The following SNX8 variants were observed in gnomAD, a reference collection of about 807,000 sequenced individuals.
SNX8 encodes sorting nexin-8.
A neutral mutation model predicts 51.6 loss-of-function variants in SNX8; 25 were observed. The observed-to-expected ratio is 0.48, with a 90% CI of 0.35 to 0.68. The LOEUF is 0.68. SNX8 is among the 30% of genes least tolerant of loss of function. The probability of loss-of-function intolerance (pLI) is 0.00; values close to 1 mark genes in which losing one functional copy is unlikely to be tolerated. For synonymous variants in SNX8, 324 were observed against 277.0 expected (o/e 1.17, Z -1.68); for missense variants, 695 against 624.0 (o/e 1.11, Z -1.21).
chr7:2,323,541 C>T (rs540611068), intron 1 of SNX8, among the ~76,000 whole-genome samples: 3 of 152,134 alleles, frequency 2.0e-5, no homozygotes, highest in East Asian at 3.9e-4. Flanking sequence ...GATCACAGAG[C>T]GGCCACCATC....
At chr7:2,258,925 C>T (rs1211337380) in intron 7 of SNX8, among the ~76,000 whole-genome samples, 2 of 152,146 alleles carry the variant, frequency 1.3e-5, no homozygotes, top group Non-Finnish European at 2.9e-5. Context: ...CCCAGAGTCA[C>T]CACAGCACCT....
chr7:2,295,488 T>G (rs1445095555), intron 1 of SNX8, among the ~76,000 whole-genome samples: 1 of 148,248 alleles, frequency 6.7e-6, no homozygotes, highest in Non-Finnish European at 1.5e-5. Context: ...GTGGATCACC[T>G]GAGAACAGGA....
intron 1 of SNX8, among the ~76,000 whole-genome samples, chr7:2,312,699 T>A (rs915562719): frequency 5.9e-5 from 9 of 152,018 alleles, no homozygotes; most frequent in Non-Finnish European, 1.3e-4. Flanking sequence ...ACTTCAGTCA[T>A]CACCTCCTCA....
At chr7:2,271,780 G>A in intron 4 of SNX8, 70 bp downstream of exon 4, 2 of 1,529,480 alleles carry the variant, frequency 1.3e-6, no homozygotes, top group Non-Finnish European at 1.8e-6. Context: ...ACACCTGAGA[G>A]AGGAAAAGGC....
chr7:2,267,609 CA>C (rs1450312471), intron 5 of SNX8, among the ~76,000 whole-genome samples: 1 of 146,282 alleles, frequency 6.8e-6, no homozygotes, highest in Non-Finnish European at 1.5e-5. Context: ...CTCGTTCACT[CA>C]GTGCTCAATG....
At chr7:2,342,756 A>T (rs1434958202) in intron 1 of SNX8, among the ~76,000 whole-genome samples, 1 of 152,164 alleles carries the variant, frequency 6.6e-6, no homozygotes, top group Non-Finnish European at 1.5e-5. Context: ...ACACAGGGTG[A>T]CAAACTATAG....
chr7:2,292,933 G>C (rs548314440), intron 1 of SNX8, among the ~76,000 whole-genome samples: 2 of 152,132 alleles, frequency 1.3e-5, no homozygotes, highest in African/African-American at 4.8e-5. Flanking sequence ...CAAGGTGGCA[G>C]AATGACTTGA....
chr7:2,275,234 A>ATACTCCACATGCTTC lies in SNX8; in HGVS notation c.301-6_301-5insGAAGCATGTGGAGTA. On this transcript the variant is annotated splice_polypyrimidine_tract_variant and splice_region_variant and intron_variant, in intron 2 of 10. Coordinates refer to ENST00000222990, the MANE Select transcript of SNX8 (RefSeq NM_013321.4). ...GTATACCGAGGACTTGAAGCGCTGC[A>ATACTCCACATGCTTC]AGAGAAGGGTCGGTGCTTAGATCCG... 3 of 1,596,850 alleles carry ATACTCCACATGCTTC rather than the reference A, an allele frequency of 1.9e-6. No homozygotes were observed. In the East Asian group the frequency reaches 6.7e-5, roughly 36 times the overall value.
At position 2,286,523 on chromosome 7, in the gene SNX8, T is replaced by TATA. The variant is rs1433526456; in HGVS notation, c.95-8219_95-8218insTAT. 1.0e-3 allele frequency among the ~76,000 whole-genome samples: 103 copies of TATA among 101,810 alleles called. 2 individuals are homozygous for TATA. In the South Asian group the frequency reaches 0.025, roughly 25 times the overall value. The allele number at this position is 101,810 out of a possible 152,430, so 66.8% of individuals were successfully genotyped here. A position where few individuals can be genotyped will look rare whatever the true frequency, so the allele number is the denominator to read the frequency against. On this transcript the variant is annotated intron_variant, in intron 1 of 10. Transcript: ENST00000222990. ...ATGTGCCATACGGGCTATTTTATAA[T>TATA]TTTTTTTTTTTTTTAATGGAGTCTT...
intron 1 of SNX8, among the ~76,000 whole-genome samples, chr7:2,334,402 C>CA (rs943827733): frequency 5.0e-4 from 67 of 135,258 alleles, no homozygotes; most frequent in African/African-American, 4.4e-4. Context: ...GACTCCATCT[C>CA]AAAAAAAAAA....
chr7:2,327,564 T>C (rs942000406), intron 1 of SNX8, among the ~76,000 whole-genome samples: 21 of 151,698 alleles, frequency 1.4e-4, no homozygotes, highest in East Asian at 4.0e-4. Context: ...CCCGCCACCA[T>C]GCCCGGCTAA....
chr7:2,331,831 G>C lies in SNX8; in HGVS notation c.-66+22391C>G, dbSNP rs575297202. Among the ~76,000 whole-genome samples, 4 of 152,162 alleles carry C rather than the reference G, an allele frequency of 2.6e-5. No individual in the cohort carries two copies. In the South Asian group the frequency reaches 6.2e-4, roughly 24 times the overall value. Reference sequence around the variant, plus strand: ...GGAGATGGAGGTTAAAGTGAGTCAAGATCACGCCACTGCACTCCAGCCTGG... The same window carrying C: ...GGAGATGGAGGTTAAAGTGAGTCAACATCACGCCACTGCACTCCAGCCTGG... On this transcript the variant is annotated intron_variant, in intron 1 of 5. Transcript: ENST00000435336.
At position 2,269,900 on chromosome 7, in the gene SNX8, C is replaced by T. The variant is rs141543915; in HGVS notation, c.541-261G>A. On this transcript the variant is annotated intron_variant, in intron 4 of 10. Transcript: ENST00000222990. ...GAGGCACAGCCACTCCATCCGCAGA[C>T]GGGGGGCAGCTCTCCAGAGAAACAG... Among the ~76,000 whole-genome samples, 423 of 152,190 alleles carry T rather than the reference C, an allele frequency of 2.8e-3. 2 individuals are homozygous for T. The highest frequency in any genetic ancestry group is 9.5e-3 in the African/African-American group (396 of 41,522).
At chr7:2,318,097 C>T (rs1270244475), upstream of SNX8, among the ~76,000 whole-genome samples, 2 of 152,110 alleles carry the variant, frequency 1.3e-5, no homozygotes, top group East Asian at 1.9e-4. Context: ...CCAGGCTGGA[C>T]TGTAGCTGCC....
At chr7:2,262,486 C>T (rs1174955942) in intron 7 of SNX8, among the ~76,000 whole-genome samples, 2 of 152,148 alleles carry the variant, frequency 1.3e-5, no homozygotes, top group Non-Finnish European at 2.9e-5. Flanking sequence ...GGAGCACTGC[C>T]TGAGGTTGTG....
At chr7:2,348,808 C>T (rs1779082716) in intron 1 of SNX8, among the ~76,000 whole-genome samples, 1 of 151,398 alleles carries the variant, frequency 6.6e-6, no homozygotes, top group Admixed American at 6.6e-5. Context: ...AAAAATTAGA[C>T]GGGCATAGTG....
At position 2,255,114 on chromosome 7, in the gene SNX8, G is replaced by A. The variant is rs1459981469; in HGVS notation, c.1340C>T (p.Pro447Leu). ...RPKLSCLFAG[P>L]HSTLTPPCSP... is the part of the protein sequence containing the mutation. ...GCACGGTGGGGTCAGGGTGCTGTGT[G>A]GTCCCGCAAAGAGGCAGCTGAGCTT... The change falls in exon 11 of 11, where the codon CCA becomes CTA. Residue 447 changes from proline (P) to leucine (L), a missense_variant. Pro to Leu is a moderately conservative substitution (Grantham distance 98). Coordinates refer to ENST00000222990, the MANE Select transcript of SNX8 (RefSeq NM_013321.4). 1.9e-6 allele frequency: 3 copies of A among 1,580,482 alleles called. No homozygotes were observed. Among genetic ancestry groups the A allele is most frequent in the East Asian group, 4.7e-5 (2 of 43,004 alleles).
chr7:2,282,912 G>C (rs927552253), intron 1 of SNX8, among the ~76,000 whole-genome samples: 1 of 152,158 alleles, frequency 6.6e-6, no homozygotes, highest in African/African-American at 2.4e-5. Context: ...ACGAGGTCAG[G>C]AGATCGAGAC....
At chr7:2,263,083 C>T (rs548175902) in intron 7 of SNX8, 147 bp downstream of exon 7, 22 of 972,590 alleles carry the variant, frequency 2.3e-5, no homozygotes, top group East Asian at 1.0e-4. Context: ...TGCGCCTTTG[C>T]GCTCCAGCCT....
Sources: allele counts gnomAD v4.1 joint callset (sites outside exome capture counted in the v4.1 genomes callset), GRCh38; gene constraint gnomAD v4.1.1; transcripts MANE v1.5; gene names NCBI Gene and HGNC (gene_info 2026-07-23, HGNC 2026-07-21).